The following FOXN3 variants were observed in gnomAD, a reference collection of about 807,000 sequenced individuals.
The protein encoded by FOXN3 is forkhead box N3, also known as forkhead box protein N3.
In FOXN3, 7 loss-of-function variants were observed where a neutral mutation model predicts 38.4. The observed-to-expected ratio is 0.18, with a 90% CI of 0.10 to 0.34. The LOEUF is 0.34. Ranked by LOEUF, FOXN3 falls within the 10% of genes least tolerant of loss-of-function variation. The pLI is 1.00. For missense variants in FOXN3, 456 were observed against 613.4 expected, an observed-to-expected ratio of 0.74 and a Z score of 2.71; for synonymous variants, 230 against 242.2, an observed-to-expected ratio of 0.95 and a Z score of 0.47.
At chr14:89,531,416 G>A (rs939663037) in intron 1 of FOXN3, among the ~76,000 whole-genome samples, 1 of 152,158 alleles carries the variant, frequency 6.6e-6, no homozygotes, top group African/African-American at 2.4e-5. Context: ...GAACAGTATA[G>A]AAGTTAACTC....
intron 2 of FOXN3, among the ~76,000 whole-genome samples, chr14:89,367,295 C>T (rs1433768279): frequency 6.6e-6 from 1 of 152,224 alleles, no homozygotes; most frequent in Admixed American, 6.5e-5. Context: ...AATTCTAGAA[C>T]AAGCACTCAC....
At chr14:89,453,373 G>A (rs1385608584) in intron 1 of FOXN3, among the ~76,000 whole-genome samples, 2 of 151,620 alleles carry the variant, frequency 1.3e-5, no homozygotes, top group African/African-American at 4.8e-5. Flanking sequence ...TGGCTAACAC[G>A]GTGAAACCCT....
At chr14:89,587,826 A>G (rs1181487562) in intron 1 of FOXN3, among the ~76,000 whole-genome samples, 1 of 140,946 alleles carries the variant, frequency 7.1e-6, no homozygotes. Context: ...AGACCACACC[A>G]CTGCACTCCA....
chr14:89,377,494 G>A (rs1263891796), intron 2 of FOXN3, among the ~76,000 whole-genome samples: 1 of 152,154 alleles, frequency 6.6e-6, no homozygotes, highest in African/African-American at 2.4e-5. Context: ...GTTTACAGGT[G>A]AGGTGCCATG....
At chr14:89,386,382 G>A (rs1224861546) in intron 2 of FOXN3, among the ~76,000 whole-genome samples, 3 of 152,234 alleles carry the variant, frequency 2.0e-5, no homozygotes, top group East Asian at 1.9e-4. Context: ...TGTCAAGGTC[G>A]TCCACGGACA....
At chr14:89,333,760 A>C (rs1484132852) in intron 3 of FOXN3, among the ~76,000 whole-genome samples, 1 of 145,124 alleles carries the variant, frequency 6.9e-6, no homozygotes, top group African/African-American at 2.6e-5. Context: ...AAAAAAAAAA[A>C]AAAAAAAAAA....
At chr14:89,177,020 T>C (rs1364117642) in intron 5 of FOXN3, among the ~76,000 whole-genome samples, 5 of 150,062 alleles carry the variant, frequency 3.3e-5, no homozygotes, top group African/African-American at 1.2e-4. Context: ...TTTTTTTTTT[T>C]TTTTTTTTTT....
chr14:89,614,702 T>C (rs1418867470), intron 1 of FOXN3, among the ~76,000 whole-genome samples: 1 of 152,340 alleles, frequency 6.6e-6, no homozygotes, highest in East Asian at 1.9e-4. Context: ...CAGGTGACAA[T>C]AGCAGGCTCT....
chr14:89,328,794 T>C (rs953574272), intron 3 of FOXN3, among the ~76,000 whole-genome samples: 7 of 152,170 alleles, frequency 4.6e-5, no homozygotes, highest in Non-Finnish European at 1.0e-4. Context: ...TGATCTCAAA[T>C]AACTGACACC....
intron 3 of FOXN3, among the ~76,000 whole-genome samples, chr14:89,314,544 A>G (rs143505859): frequency 2.5e-3 from 376 of 152,352 alleles, no homozygotes; most frequent in Middle Eastern, 0.01. Flanking sequence ...ACTGTCAACT[A>G]AAGATACTTT....
At chr14:89,215,464 C>T (rs1043785202) in intron 4 of FOXN3, among the ~76,000 whole-genome samples, 4 of 151,900 alleles carry the variant, frequency 2.6e-5, no homozygotes, top group African/African-American at 7.3e-5. Context: ...ATAATTTTCA[C>T]ATCATTATAT....
chr14:89,447,260 G>A (rs987109671), intron 1 of FOXN3, among the ~76,000 whole-genome samples: 2 of 151,152 alleles, frequency 1.3e-5, no homozygotes, highest in African/African-American at 2.4e-5. Flanking sequence ...GGGTATTCCC[G>A]TTGTAATGCC....
rs1596158709 is a variant in FOXN3, at chr14:89,291,002, C to T, written c.681-9988G>A. ...GACCTGTTCTGCTCCACGTGAGGCC[C>T]GTGGTGTGGTGCTCCTTGACTCATG... is the stretch of plus-strand genomic sequence containing the variant. On this transcript the variant is annotated intron_variant, in intron 3 of 5. Coordinates refer to ENST00000557258, the MANE Select transcript of FOXN3 (RefSeq NM_005197.4). 1.1e-5 allele frequency: 5 copies of T among 441,218 alleles called. No individual in the cohort carries two copies. The East Asian group carries it at 1.8e-4, about 16-fold the overall frequency. 27.3% of individuals were successfully genotyped at this position (441,218 alleles called of 1,614,324 possible). A position where few individuals can be genotyped will look rare whatever the true frequency, so the allele number is the denominator to read the frequency against.
At chr14:89,250,918 T>C (rs1566938896) in intron 4 of FOXN3, among the ~76,000 whole-genome samples, 1 of 152,190 alleles carries the variant, frequency 6.6e-6, no homozygotes, top group Non-Finnish European at 1.5e-5. Context: ...CTCCTTTGCC[T>C]TCTGCCATGA....
chr14:89,242,031 G>T (rs938005029), intron 4 of FOXN3, among the ~76,000 whole-genome samples: 1 of 152,134 alleles, frequency 6.6e-6, no homozygotes, highest in African/African-American at 2.4e-5. Context: ...TGTTGCTCCT[G>T]GGAAGTGGGC....
intron 3 of FOXN3, among the ~76,000 whole-genome samples, chr14:89,311,250 G>A (rs1273286044): frequency 6.6e-6 from 1 of 151,692 alleles, no homozygotes; most frequent in Non-Finnish European, 1.5e-5. Context: ...AGCACTTTGG[G>A]AGGCCAGGTC....
At chr14:89,280,351 G>A (rs1280912896) in intron 4 of FOXN3, among the ~76,000 whole-genome samples, 10 of 152,150 alleles carry the variant, frequency 6.6e-5, no homozygotes, top group Non-Finnish European at 1.0e-4. Context: ...TGAGCACACC[G>A]CCTAGGGACT....
intron 5 of FOXN3, among the ~76,000 whole-genome samples, chr14:89,180,398 A>C (rs1267462464): frequency 6.6e-6 from 1 of 152,186 alleles, no homozygotes; most frequent in Non-Finnish European, 1.5e-5. Flanking sequence ...AATCCAATTA[A>C]TATCCTGCCT....
At chr14:89,555,838 G>GGTGTGCGTGTGTGTGTGTGTGT (rs1895104264) in intron 1 of FOXN3, among the ~76,000 whole-genome samples, 1 of 89,620 alleles carries the variant, frequency 1.1e-5, no homozygotes, top group African/African-American at 3.0e-5. Flanking sequence ...TCTAGTTCAT[G>GGTGTGCGTGTGTGTGTGTGTGT]GTGTGTGTGT....
Sources: gnomAD v4.1 joint callset for allele counts (sites outside exome capture counted in the v4.1 genomes callset) on GRCh38, gnomAD v4.1.1 for gene constraint, MANE v1.5 for transcripts, NCBI Gene and HGNC (gene_info 2026-07-23, HGNC 2026-07-21) for gene names.